PAM: variants seen among roughly 807,000 people sequenced by gnomAD.
The protein encoded by PAM is peptidyl-glycine alpha-amidating monooxygenase.
In PAM, 72 loss-of-function variants were observed where a neutral mutation model predicts 122.1. The ratio of observed to expected loss-of-function variants is 0.59; its 90% CI spans 0.49 to 0.72. The LOEUF is 0.72. Among genes scored for constraint, PAM ranks in the 30% least tolerant of loss-of-function variants. The pLI, the probability that PAM is intolerant of heterozygous loss-of-function variation, is 0.00. For missense variants in PAM, 1,106 were observed against 1,183.7 expected (o/e 0.93, Z 0.96); for synonymous variants, 389 against 404.4 (o/e 0.96, Z 0.46).
intron 4 of PAM, among the ~76,000 whole-genome samples, chr5:102,910,974 A>T (rs1423135): frequency 2.6e-5 from 4 of 151,926 alleles, no homozygotes; most frequent in African/African-American, 9.7e-5. Flanking sequence ...AGGCATAATC[A>T]GCAGGAATGG....
chr5:102,766,926 A>ATTTTTTTTTTTTTGTTT (rs1754153104), intron 1 of PAM, among the ~76,000 whole-genome samples: 1 of 25,830 alleles, frequency 3.9e-5, no homozygotes. Flanking sequence ...TCAGTTGTGG[A>ATTTTTTTTTTTTTGTTT]TTTTTTTTTT....
At chr5:102,935,274 T>A (rs1752891567) in intron 7 of PAM, among the ~76,000 whole-genome samples, 1 of 152,118 alleles carries the variant, frequency 6.6e-6, no homozygotes, top group African/African-American at 2.4e-5. Flanking sequence ...TTTTTCTTTT[T>A]TTTTTGGACA....
chr5:102,912,851 G>T (rs1801832562), intron 4 of PAM, among the ~76,000 whole-genome samples: 1 of 151,964 alleles, frequency 6.6e-6, no homozygotes, highest in Admixed American at 6.6e-5. Flanking sequence ...TAAAAGAAAG[G>T]TTTGTCTCTT....
intron 3 of PAM, among the ~76,000 whole-genome samples, chr5:102,872,983 G>C (rs2151025825): frequency 6.6e-6 from 1 of 151,948 alleles, no homozygotes; most frequent in East Asian, 1.9e-4. Flanking sequence ...CTTTTACCTG[G>C]GTGAGGGAAT....
intron 16 of PAM, among the ~76,000 whole-genome samples, chr5:103,002,333 G>C (rs1419419951): frequency 6.6e-6 from 1 of 151,750 alleles, no homozygotes; most frequent in African/African-American, 2.4e-5. Flanking sequence ...AATCTAAAAG[G>C]TACTGAGTTT....
At chr5:102,813,716 A>G (rs1768673429) in intron 1 of PAM, among the ~76,000 whole-genome samples, 1 of 152,198 alleles carries the variant, frequency 6.6e-6, no homozygotes, top group Admixed American at 6.5e-5. Context: ...ATGAAATTCT[A>G]TAACTGGAAC....
intron 24 of PAM, among the ~76,000 whole-genome samples, chr5:103,026,309 A>T (rs1052370936): frequency 6.6e-6 from 1 of 152,176 alleles, no homozygotes; most frequent in African/African-American, 2.4e-5. Context: ...TGATCAAGAA[A>T]CAGCATCTGA....
In PAM at chr5:103,028,165, G is replaced by C; in HGVS notation, c.2690-20G>C. 1 of 1,604,690 alleles carries C rather than the reference G, an allele frequency of 6.2e-7. No homozygotes were observed. The highest frequency in any genetic ancestry group is 8.5e-7 in the Non-Finnish European group (1 of 1,171,710). ...AGATGACTGGGACTCATTTTGAAAT[G>C]TGCCATCTTTTTTTAGCAGATTCTG... On this transcript the variant is annotated intron_variant, in intron 24 of 25. Transcript: ENST00000438793.
chr5:102,972,448 A>AT (rs1184337238), intron 14 of PAM, among the ~76,000 whole-genome samples: 2 of 151,790 alleles, frequency 1.3e-5, no homozygotes, highest in Non-Finnish European at 2.9e-5. Context: ...CACCCAGCTA[A>AT]TTTTTTTATT....
At chr5:102,755,588 C>T (rs1385755712) in intron 1 of PAM, 1 of 152,390 alleles carries the variant, frequency 6.6e-6, no homozygotes, top group East Asian at 1.9e-4. Context: ...CCAAACCTCT[C>T]TCACGACCCT....
chr5:102,997,818 G>A (rs948269792), intron 16 of PAM, among the ~76,000 whole-genome samples: 7 of 152,134 alleles, frequency 4.6e-5, no homozygotes, highest in Non-Finnish European at 8.8e-5. Flanking sequence ...TTCTACATTT[G>A]TGTGCAGTGC....
At chr5:102,937,505 T>G (rs1020676465) in intron 7 of PAM, among the ~76,000 whole-genome samples, 1 of 152,092 alleles carries the variant, frequency 6.6e-6, no homozygotes, top group East Asian at 1.9e-4. Context: ...AAGCATGACG[T>G]TTTTTTCCTT....
chr5:103,023,065 T>C (rs1219670169), intron 23 of PAM, among the ~76,000 whole-genome samples: 1 of 152,112 alleles, frequency 6.6e-6, no homozygotes, highest in African/African-American at 2.4e-5. Flanking sequence ...ACTCAAAATA[T>C]CAGAAGTGAT....
At chr5:102,863,786 G>GT (rs1044191187) in intron 1 of PAM, among the ~76,000 whole-genome samples, 46 of 146,672 alleles carry the variant, frequency 3.1e-4, no homozygotes, top group East Asian at 5.9e-4. Context: ...AGGTGGACAT[G>GT]TTTTTTTTTT....
In PAM at chr5:103,006,850, G is replaced by T; in HGVS notation, c.1853G>T (p.Gly618Val). The change falls in exon 19 of 26, where the codon GGA becomes GTA. Residue 618 changes from glycine (G) to valine (V), a missense_variant. Transcript: ENST00000438793. The stretch of plus-strand genomic sequence containing the variant: ...AAAGAAGGCCCTGTATTAATCCTGG[G>T]AAGGAGCATGCAACCAGGCAGTGAC... ...NNKEGPVLILGRSMQPGSDQN... is the reference protein window; with the variant it reads ...NNKEGPVLILVRSMQPGSDQN... The T allele has an allele frequency of 6.2e-7, 1 of 1,613,960 alleles. No homozygotes were observed. Among genetic ancestry groups the T allele is most frequent in the Non-Finnish European group, 8.5e-7 (1 of 1,179,912 alleles).
Position 102,758,068 on chromosome 5 carries a change from A to ATTTTT in PAM, c.-374+2724_-374+2725insTTTTT, listed in dbSNP as rs1751039527. On this transcript the variant is annotated intron_variant, in intron 1 of 25. Coordinates refer to ENST00000438793, the MANE Select transcript of PAM (RefSeq NM_001177306.2). ...AAAAAAAAAAAAAAAAAGACTTAGAATTTTGTTTTTTTTTTTTTTTTTTTT... is the reference window on the plus strand; with the variant it reads ...AAAAAAAAAAAAAAAAAGACTTAGAATTTTTTTTTGTTTTTTTTTTTTTTTTTTTT... 1.4e-4 allele frequency among the ~76,000 whole-genome samples: 12 copies of ATTTTT among 87,628 alleles called. 1 individual carries two copies. The highest frequency in any genetic ancestry group is 9.4e-4 in the East Asian group (3 of 3,186). 57.5% of individuals were successfully genotyped at this position (87,628 alleles called of 152,430 possible).
At chr5:102,904,696 A>G (rs1372972465) in intron 4 of PAM, among the ~76,000 whole-genome samples, 1 of 151,632 alleles carries the variant, frequency 6.6e-6, no homozygotes, top group African/African-American at 2.4e-5. Context: ...ACATATAAAA[A>G]GGACTTTCTC....
intron 15 of PAM, among the ~76,000 whole-genome samples, chr5:102,983,142 A>G (rs1473889526): frequency 2.0e-5 from 3 of 151,980 alleles, no homozygotes; most frequent in African/African-American, 7.2e-5. Flanking sequence ...ATATGAAGAC[A>G]TCTTTTAAAA....
At chr5:102,978,755 C>G (rs1280306974) in intron 15 of PAM, among the ~76,000 whole-genome samples, 1 of 151,494 alleles carries the variant, frequency 6.6e-6, no homozygotes, top group Non-Finnish European at 1.5e-5. Flanking sequence ...CCTCTAGGTT[C>G]AAGTCTTGCA....
Sources: allele counts gnomAD v4.1 joint callset (sites outside exome capture counted in the v4.1 genomes callset), GRCh38; gene constraint gnomAD v4.1.1; transcripts MANE v1.5; gene names NCBI Gene and HGNC (gene_info 2026-07-23, HGNC 2026-07-21).